Variants in RBFOX3 observed in about 807,000 individuals in gnomAD.
RBFOX3 encodes RNA binding fox-1 homolog 3, also known as RNA binding protein fox-1 homolog 3.
In RBFOX3, 17 loss-of-function variants were observed where a neutral mutation model predicts 48.7. That is an observed-to-expected ratio of 0.35 (90% confidence interval 0.24 to 0.52). The LOEUF is 0.52. Ranked by LOEUF, RBFOX3 falls within the 20% of genes least tolerant of loss-of-function variation. The probability of loss-of-function intolerance (pLI) is 0.94; values close to 1 mark genes in which losing one functional copy is unlikely to be tolerated. For synonymous variants in RBFOX3, 212 were observed against 209.5 expected (o/e 1.01, Z -0.10); for missense variants, 382 against 497.5 (o/e 0.77, Z 2.21).
chr17:79,397,043 AG>A (rs2062077558), intron 2 of RBFOX3, among the ~76,000 whole-genome samples: 1 of 152,224 alleles, frequency 6.6e-6, no homozygotes, highest in Non-Finnish European at 1.5e-5. Context: ...ACCTGTCTCA[AG>A]GGGTGGATTT....
At chr17:79,163,448 G>A (rs769707065) in intron 4 of RBFOX3, among the ~76,000 whole-genome samples, 2 of 152,234 alleles carry the variant, frequency 1.3e-5, no homozygotes, top group African/African-American at 2.4e-5. Flanking sequence ...CAGGGCATCC[G>A]AATGTCCTTC....
chr17:79,382,264 A>C (rs982442208), intron 2 of RBFOX3, among the ~76,000 whole-genome samples: 9 of 152,130 alleles, frequency 5.9e-5, no homozygotes, highest in African/African-American at 2.2e-4. Context: ...GTCCATGGAA[A>C]CCAGTTGTCA....
intron 3 of RBFOX3, among the ~76,000 whole-genome samples, chr17:79,261,949 C>T (rs958343108): frequency 1.2e-4 from 19 of 152,172 alleles, no homozygotes; most frequent in African/African-American, 3.4e-4. Context: ...GGGAGGCGTA[C>T]GAACACCTGC....
chr17:79,130,506 C>T (rs572536700), intron 4 of RBFOX3, among the ~76,000 whole-genome samples: 48 of 152,368 alleles, frequency 3.2e-4, no homozygotes, highest in Non-Finnish European at 6.0e-4. Context: ...CTGCCAGGAG[C>T]GTGGATGTCC....
At position 79,517,995 on chromosome 17, in the gene RBFOX3, T is replaced by G. The variant is rs1237059708; in HGVS notation, c.-319-35397A>C. Among the ~76,000 whole-genome samples, 9 of 152,126 alleles carry G rather than the reference T, an allele frequency of 5.9e-5. 1 individual carries two copies. Among genetic ancestry groups the G allele is most frequent in the African/African-American group, 2.2e-4 (9 of 41,404 alleles). ...ACCGAACGAGACTCCCATAATTACA[T>G]GGAGATAAGACTATCAGGTGTAATT... is the stretch of plus-strand genomic sequence containing the variant. On this transcript the variant is annotated intron_variant, in intron 1 of 14. Transcript: ENST00000693108.
intron 4 of RBFOX3, among the ~76,000 whole-genome samples, chr17:79,193,321 C>G (rs80323338): frequency 0.012 from 1,761 of 152,286 alleles, 43 homozygotes; most frequent in African/African-American, 0.04. Context: ...GTGCACACAG[C>G]CATTCTCATT....
At chr17:79,184,645 C>A (rs2053027192) in intron 4 of RBFOX3, among the ~76,000 whole-genome samples, 1 of 152,210 alleles carries the variant, frequency 6.6e-6, no homozygotes, top group Non-Finnish European at 1.5e-5. Context: ...GTGGCTCATG[C>A]CTAACCTCAC....
At chr17:79,112,088 G>A (rs1013662958) in intron 5 of RBFOX3, among the ~76,000 whole-genome samples, 9 of 152,188 alleles carry the variant, frequency 5.9e-5, no homozygotes, top group Admixed American at 2.6e-4. Context: ...AGGAGCCTCC[G>A]TATTTCTGGA....
Position 79,138,705 on chromosome 17 carries a change from G to C in RBFOX3, c.-33-22957C>G, listed in dbSNP as rs12953112. ...CCATACACATGGACACAGCACATGC[G>C]TTCACACCCCCTCACCCACACACGC... On this transcript the variant is annotated intron_variant, in intron 4 of 14. Transcript: ENST00000693108. 2.6e-3 allele frequency among the ~76,000 whole-genome samples: 136 copies of C among 52,568 alleles called. 6 individuals carry two copies. Among genetic ancestry groups the C allele is most frequent in the South Asian group, 0.023 (24 of 1,028 alleles). 34.5% of individuals were successfully genotyped at this position (52,568 alleles called of 152,430 possible). A position where few individuals can be genotyped will look rare whatever the true frequency, so the allele number is the denominator to read the frequency against.
the RBFOX3 span, among the ~76,000 whole-genome samples, chr17:79,664,349 A>T: frequency 3.6e-3 from 506 of 139,078 alleles, no homozygotes; most frequent in Non-Finnish European, 5.1e-3. Context: ...TAATTTTTGT[A>T]TTTTTTTTTT....
intron 4 of RBFOX3, among the ~76,000 whole-genome samples, chr17:79,155,783 G>A (rs183173256): frequency 8.5e-5 from 13 of 152,288 alleles, no homozygotes; most frequent in Admixed American, 7.2e-4. Flanking sequence ...AGCCTGGCAG[G>A]AGGCAGCCCA....
chr17:79,599,610 T>C (rs2093655942), intron 1 of RBFOX3: 1 of 152,230 alleles, frequency 6.6e-6, no homozygotes, highest in Admixed American at 6.5e-5. Context: ...CAAGAGTTTG[T>C]TGCAGGTTGG....
intron 2 of RBFOX3, among the ~76,000 whole-genome samples, chr17:79,468,613 T>C (rs997029806): frequency 4.0e-5 from 6 of 149,184 alleles, no homozygotes; most frequent in East Asian, 2.0e-4. Flanking sequence ...GATAGATAGA[T>C]AGCAGATAGG....
chr17:79,380,813 A>G (rs954103270), intron 2 of RBFOX3, among the ~76,000 whole-genome samples: 1 of 152,044 alleles, frequency 6.6e-6, no homozygotes. Context: ...CCTCCACCAC[A>G]CTTTCTAAAC....
chr17:79,595,597 G>T (rs1471535122), intron 1 of RBFOX3, among the ~76,000 whole-genome samples: 1 of 152,220 alleles, frequency 6.6e-6, no homozygotes, highest in Non-Finnish European at 1.5e-5. Context: ...ATCCCCTGCT[G>T]CAGGGAGTGT....
chr17:79,422,329 C>T (rs986288259), intron 2 of RBFOX3, among the ~76,000 whole-genome samples: 1 of 151,572 alleles, frequency 6.6e-6, no homozygotes, highest in Admixed American at 6.6e-5. Context: ...AGATGCCCAA[C>T]CCCCCTCCCC....
At chr17:79,608,924 C>G (rs1253482781) in intron 1 of RBFOX3, among the ~76,000 whole-genome samples, 2 of 151,410 alleles carry the variant, frequency 1.3e-5, no homozygotes. Flanking sequence ...CTCCCCTCCT[C>G]CGCCCCCGCC....
the RBFOX3 span, among the ~76,000 whole-genome samples, chr17:79,616,544 A>C: frequency 5.4e-5 from 8 of 148,062 alleles, no homozygotes; most frequent in Non-Finnish European, 1.2e-4. Flanking sequence ...TCAAGAAAAA[A>C]AAAAAAAAGA....
intron 1 of RBFOX3, among the ~76,000 whole-genome samples, chr17:79,513,129 A>G (rs1210345301): frequency 2.6e-5 from 4 of 151,218 alleles, no homozygotes; most frequent in Non-Finnish European, 5.9e-5. Flanking sequence ...ACCCAGATAC[A>G]TGTTACCATC....
Sources: allele counts gnomAD v4.1 joint callset (sites outside exome capture counted in the v4.1 genomes callset), GRCh38; gene constraint gnomAD v4.1.1; transcripts MANE v1.5; gene names NCBI Gene and HGNC (gene_info 2026-07-23, HGNC 2026-07-21).